Variants in ATAD3A observed in about 807,000 individuals in gnomAD.
ATAD3A encodes ATPase family AAA domain containing 3A, also known as ATPase family AAA domain-containing protein 3A.
Under a neutral mutation model 73.8 loss-of-function variants are expected in ATAD3A, and 46 were observed. That is an observed-to-expected ratio of 0.62 (90% CI 0.49 to 0.80). The LOEUF (loss-of-function observed/expected upper bound fraction) is 0.80. Ranked by LOEUF, ATAD3A falls within the 30% of genes least tolerant of loss-of-function variation. The pLI is 0.00. For missense variants in ATAD3A, 705 were observed against 838.0 expected (o/e 0.84, Z 1.96); for synonymous variants, 319 against 350.0 (o/e 0.91, Z 0.99).
At position 1,522,746 on chromosome 1, in the gene ATAD3A, GGCTGGGCTGACGCT is replaced by G; in HGVS notation, c.759_772del (p.Leu254CysfsTer37). On this transcript the variant is annotated frameshift_variant, in exon 8 of 16. Coordinates refer to ENST00000378756, the MANE Select transcript of ATAD3A (RefSeq NM_001170535.3). LOFTEE classifies it high-confidence loss of function. ...CCAGTGCGGTGTCTCTGCTGCAGGTGGCTGGGCTGACGCTGCTGGCTGTTGGGGTCTACTCAGCC... is the reference window on the plus strand; with the variant it reads ...CCAGTGCGGTGTCTCTGCTGCAGGTGGCTGGCTGTTGGGGTCTACTCAGCC... 1 of 1,612,232 alleles carries G rather than the reference GGCTGGGCTGACGCT, an allele frequency of 6.2e-7. No individual in the cohort carries two copies. The highest frequency in any genetic ancestry group is 8.5e-7 in the Non-Finnish European group (1 of 1,179,766).
intron 14 of ATAD3A, 24 bp downstream of exon 14, chr1:1,527,886 C>G: frequency 3.1e-6 from 5 of 1,605,684 alleles, no homozygotes; most frequent in East Asian, 2.2e-5. Context: ...CCCACCAGCC[C>G]CCGTCCAGGG....
chr1:1,527,076 T>G, intron 13 of ATAD3A: 3 of 982,924 alleles, frequency 3.1e-6, no homozygotes, highest in Non-Finnish European at 4.2e-6. Flanking sequence ...AGGTCCCCCA[T>G]AGGGTGACCG....
At chr1:1,519,668 T>G (rs1427923350) in intron 5 of ATAD3A, among the ~76,000 whole-genome samples, 1 of 127,076 alleles carries the variant, frequency 7.9e-6, no homozygotes, top group African/African-American at 3.0e-5. Context: ...GTGTGTGCGT[T>G]TAATGTTCAG....
chr1:1,522,556 C>T (rs1641635973), intron 7 of ATAD3A, among the ~76,000 whole-genome samples, 188 bp from the exon 8 acceptor site: 1 of 152,184 alleles, frequency 6.6e-6, no homozygotes, highest in African/African-American at 2.4e-5. Flanking sequence ...CTGTGACTGC[C>T]CCACCTGCCT....
chr1:1,525,414 T>TG, intron 12 of ATAD3A, 123 bp downstream of exon 12: 3 of 163,014 alleles, frequency 1.8e-5, no homozygotes, highest in Non-Finnish European at 3.0e-5. Flanking sequence ...GAAAAACAGC[T>TG]TTTTTTTTTT....
Position 1,528,691 on chromosome 1 carries a change from G to A in ATAD3A, c.1506-532G>A, listed in dbSNP as rs534574144. 7.2e-4 allele frequency among the ~76,000 whole-genome samples: 110 copies of A among 152,350 alleles called. 1 individual carries two copies. The East Asian group carries it at 0.014, about 19-fold the overall frequency. ...GCTGCTCCACTTCTTGGCGTCCCCCGGGCCCCGGTTTCTGAGTCCTTCTGT... is the reference window on the plus strand; with the variant it reads ...GCTGCTCCACTTCTTGGCGTCCCCCAGGCCCCGGTTTCTGAGTCCTTCTGT... On this transcript the variant is annotated intron_variant, in intron 14 of 15. Coordinates refer to ENST00000378756, the MANE Select transcript of ATAD3A (RefSeq NM_001170535.3).
intron 15 of ATAD3A, among the ~76,000 whole-genome samples, chr1:1,529,555 C>T (rs1297354020): frequency 2.0e-5 from 3 of 152,252 alleles, no homozygotes; most frequent in African/African-American, 7.2e-5. Flanking sequence ...CGGTGGCTGA[C>T]AGTCACCCGG....
chr1:1,523,612 CT>C lies in ATAD3A; in HGVS notation c.963+46del, dbSNP rs750730072. ...ACCGGGGAGGCGCAGGGAGGGGACC[CT>C]GGAGCTGGGCCGGGCTGTGGCCCTT... On this transcript the variant is annotated intron_variant, in intron 9 of 15. Coordinates refer to ENST00000378756, the MANE Select transcript of ATAD3A (RefSeq NM_001170535.3). This position sits in a 1 kb window ranked among gnomAD's most constrained non-coding sequence, Gnocchi z 5.1. 32 of 1,611,374 alleles carry C rather than the reference CT, an allele frequency of 2.0e-5. No homozygotes were observed. In the African/African-American group the frequency reaches 3.9e-4, roughly 20 times the overall value.
intron 4 of ATAD3A, among the ~76,000 whole-genome samples, 200 bp downstream of exon 4, chr1:1,517,975 A>G (rs1266497606): frequency 2.6e-5 from 4 of 151,904 alleles, no homozygotes; most frequent in African/African-American, 9.7e-5. Context: ...ACACATGTAC[A>G]TGGAGACACA....
rs1419153982 is a variant in ATAD3A at position 1,534,224 on chromosome 1, G to A, written c.*152G>A. 55 of 1,502,158 alleles carry A rather than the reference G, an allele frequency of 3.7e-5. No homozygotes were observed. The highest frequency in any genetic ancestry group is 1.6e-4 in the Admixed American group (8 of 48,508). The allele number at this position is 1,502,158 out of a possible 1,614,324, so 93.1% of individuals were successfully genotyped here. On this transcript the variant is annotated 3_prime_UTR_variant, in exon 16 of 16. Transcript: ENST00000378756. ...CCCAGGATGTCTTGTGGTGCGGGTC[G>A]GCCGTTCTGCCCCCCAGGGCACCCC...
chr1:1,527,971 T>A, intron 14 of ATAD3A, 109 bp downstream of exon 14: 1 of 1,366,790 alleles, frequency 7.3e-7, no homozygotes, highest in Non-Finnish European at 9.8e-7. Context: ...TTTTTTTTTT[T>A]TTTTTGAGAC....
chr1:1,526,150 G>A (rs569492402), intron 12 of ATAD3A, among the ~76,000 whole-genome samples: 40 of 151,578 alleles, frequency 2.6e-4, no homozygotes, highest in Middle Eastern at 6.8e-3. Flanking sequence ...AGCCTCCCAC[G>A]TAGCTGGGAC....
At chr1:1,525,169 C>T (rs889401370) in intron 11 of ATAD3A, 71 bp from the exon 12 acceptor site, 53 of 1,603,476 alleles carry the variant, frequency 3.3e-5, no homozygotes, top group Admixed American at 1.7e-4. Flanking sequence ...CTGCTCCTGC[C>T]GCGGCCGGAC....
At chr1:1,516,971 C>G (rs1641378950) in intron 2 of ATAD3A, 2 of 1,096,088 alleles carry the variant, frequency 1.8e-6, no homozygotes, top group Non-Finnish European at 2.5e-6. Context: ...TTTGGCCTCC[C>G]AAAGTGCTGG....
intron 7 of ATAD3A, among the ~76,000 whole-genome samples, chr1:1,521,446 C>T (rs368832184): frequency 6.6e-6 from 1 of 152,162 alleles, no homozygotes; most frequent in East Asian, 1.9e-4. Context: ...TTGTGCCCAG[C>T]CTCCGGCCTG....
chr1:1,527,270 C>T (rs765138769), intron 13 of ATAD3A: 45 of 1,257,430 alleles, frequency 3.6e-5, no homozygotes, highest in Non-Finnish European at 4.2e-5. Context: ...CTCCCTGGAG[C>T]CCTGACTCGG....
At chr1:1,528,342 G>C (rs1305319264) in intron 14 of ATAD3A, among the ~76,000 whole-genome samples, 7 of 151,562 alleles carry the variant, frequency 4.6e-5, no homozygotes, top group Non-Finnish European at 7.3e-5. Flanking sequence ...GGCTGTGAGG[G>C]GAGGTGATAC....
Position 1,526,551 on chromosome 1 carries a change from C to G in ATAD3A, c.1337+20C>G. 1 of 1,611,884 alleles carries G rather than the reference C, an allele frequency of 6.2e-7. No individual in the cohort carries two copies. Among genetic ancestry groups the G allele is most frequent in the Non-Finnish European group, 8.5e-7 (1 of 1,179,646 alleles). ...CAACAAGTGAGGGAGCCCCTCGGGTCCTGGGCCCCCGGGCAGGGCTGTGCA... is the reference window on the plus strand; with the variant it reads ...CAACAAGTGAGGGAGCCCCTCGGGTGCTGGGCCCCCGGGCAGGGCTGTGCA... On this transcript the variant is annotated intron_variant, in intron 13 of 15. Transcript: ENST00000378756.
Position 1,534,596 on chromosome 1 carries a change from G to A in ATAD3A, c.*524G>A, listed in dbSNP as rs904561401. 3 of 211,558 alleles carry A rather than the reference G, an allele frequency of 1.4e-5. No homozygotes were observed. The highest frequency in any genetic ancestry group is 2.7e-5 in the Non-Finnish European group (3 of 110,512). 13.1% of individuals were successfully genotyped at this position (211,558 alleles called of 1,614,324 possible). A position where few individuals can be genotyped will look rare whatever the true frequency, so the allele number is the denominator to read the frequency against. ...AGGAGGGAGGAGGGAACCTGGCGGG[G>A]GTGTCTGAGGCCGCACTGTCAGCTG... is the stretch of plus-strand genomic sequence containing the variant. On this transcript the variant is annotated 3_prime_UTR_variant, in exon 16 of 16. Transcript: ENST00000378756.
Sources: allele counts gnomAD v4.1 joint callset (sites outside exome capture counted in the v4.1 genomes callset), GRCh38; gene constraint gnomAD v4.1.1; non-coding constraint Gnocchi (gnomAD v3.1); transcripts MANE v1.5; gene names NCBI Gene and HGNC (gene_info 2026-07-23, HGNC 2026-07-21).